Variants in MTARC2 observed in about 807,000 individuals in gnomAD.
The protein encoded by MTARC2 is mitochondrial amidoxime reducing component 2.
Under a neutral mutation model 35.6 loss-of-function variants are expected in MTARC2, and 27 were observed. The observed-to-expected ratio is 0.76, with a 90% CI of 0.56 to 1.04. MTARC2 has a LOEUF of 1.04. Ranked by LOEUF, MTARC2 falls within the 50% of genes least tolerant of loss-of-function variation. MTARC2 has a pLI of 0.00. For missense variants in MTARC2, 412 were observed against 432.5 expected (o/e 0.95, Z 0.42); for synonymous variants, 158 against 167.1 (o/e 0.95, Z 0.42).
intron 2 of MTARC2, among the ~76,000 whole-genome samples, chr1:220,760,224 A>G (rs186589830): frequency 1.3e-5 from 2 of 152,330 alleles, no homozygotes; most frequent in South Asian, 2.1e-4. Flanking sequence ...GACCCAAACA[A>G]TGAAAAATGC....
At chr1:220,771,543 G>A (rs1572311105) in intron 4 of MTARC2, among the ~76,000 whole-genome samples, 1 of 152,260 alleles carries the variant, frequency 6.6e-6, no homozygotes, top group East Asian at 1.9e-4. Context: ...ATGGGGTCAT[G>A]AGAAAGCCCA....
intron 4 of MTARC2, among the ~76,000 whole-genome samples, chr1:220,765,668 G>A (rs2102555660): frequency 6.6e-6 from 1 of 152,276 alleles, no homozygotes. Flanking sequence ...GAACTCCCCA[G>A]CTCAGGTGAT....
chr1:220,758,174 G>A (rs1671334516), intron 2 of MTARC2, among the ~76,000 whole-genome samples: 3 of 151,764 alleles, frequency 2.0e-5, no homozygotes, highest in African/African-American at 2.4e-5. Context: ...TAGCAGAGAC[G>A]GGATTTCACC....
intron 2 of MTARC2, among the ~76,000 whole-genome samples, chr1:220,761,266 T>C (rs762524020): frequency 1.3e-5 from 2 of 152,224 alleles, no homozygotes; most frequent in Non-Finnish European, 2.9e-5. Flanking sequence ...CCCAGGTCTG[T>C]TGGATTCTAA....
At chr1:220,773,255 C>CA (rs1572312671) in intron 4 of MTARC2, among the ~76,000 whole-genome samples, 1 of 151,998 alleles carries the variant, frequency 6.6e-6, no homozygotes, top group Non-Finnish European at 1.5e-5. Context: ...ATGAAACCTC[C>CA]AAAAAACCCC....
intron 1 of MTARC2, among the ~76,000 whole-genome samples, 196 bp from the exon 2 acceptor site, chr1:220,754,751 G>A (rs1336253496): frequency 1.3e-5 from 2 of 152,162 alleles, no homozygotes; most frequent in African/African-American, 2.4e-5. Flanking sequence ...AACTGTTTCC[G>A]CCAAATAAGC....
At chr1:220,782,393 G>T (rs1672097457) in intron 7 of MTARC2, among the ~76,000 whole-genome samples, 1 of 152,098 alleles carries the variant, frequency 6.6e-6, no homozygotes, top group Non-Finnish European at 1.5e-5. Context: ...TATAATTGAA[G>T]TTTGAAAAAA....
chr1:220,751,317 G>A (rs1232057307), intron 1 of MTARC2, among the ~76,000 whole-genome samples: 2 of 152,154 alleles, frequency 1.3e-5, no homozygotes, highest in Non-Finnish European at 2.9e-5. Flanking sequence ...AGTCCACCTG[G>A]CAGAATGCTG....
chr1:220,765,611 C>T (rs1321081491), intron 4 of MTARC2, among the ~76,000 whole-genome samples: 1 of 152,164 alleles, frequency 6.6e-6, no homozygotes, highest in Non-Finnish European at 1.5e-5. Flanking sequence ...CTCACTGTGT[C>T]ACCCAGACTG....
intron 4 of MTARC2, among the ~76,000 whole-genome samples, chr1:220,767,763 T>A (rs979202914): frequency 6.6e-6 from 1 of 152,234 alleles, no homozygotes; most frequent in Admixed American, 6.5e-5. Flanking sequence ...ACTCAGGAAG[T>A]GTTTCTCCAG....
chr1:220,749,432 T>C (rs755795288), intron 1 of MTARC2, among the ~76,000 whole-genome samples: 34,590 of 118,896 alleles, frequency 0.29, 7,980 homozygotes, highest in African/African-American at 0.61. Context: ...TTCTTCTTTT[T>C]TTTTTTTTTT....
chr1:220,755,910 T>G (rs1189882744), intron 2 of MTARC2, among the ~76,000 whole-genome samples: 1 of 152,182 alleles, frequency 6.6e-6, no homozygotes, highest in Admixed American at 6.5e-5. Context: ...AAATCTTCAT[T>G]CAGAATTGTC....
chr1:220,763,226 G>T (rs11118597), intron 4 of MTARC2, among the ~76,000 whole-genome samples, 176 bp downstream of exon 4: 2 of 151,922 alleles, frequency 1.3e-5, no homozygotes, highest in Middle Eastern at 3.4e-3. Context: ...CCATCAACAC[G>T]CTGGCCTCGG....
intron 1 of MTARC2, among the ~76,000 whole-genome samples, chr1:220,749,431 T>A (rs1035782992): frequency 1.8e-5 from 2 of 112,226 alleles, no homozygotes; most frequent in Non-Finnish European, 2.0e-5. Flanking sequence ...CTTCTTCTTT[T>A]TTTTTTTTTT....
intron 2 of MTARC2, among the ~76,000 whole-genome samples, chr1:220,758,444 A>T: frequency 7.1e-6 from 1 of 140,404 alleles, no homozygotes. Context: ...TTTGAGATGG[A>T]GTTTCGCTCT....
intron 1 of MTARC2, among the ~76,000 whole-genome samples, chr1:220,751,447 T>C (rs1048744709): frequency 2.9e-4 from 44 of 152,198 alleles, no homozygotes; most frequent in African/African-American, 1.0e-3. Flanking sequence ...AAACCCTTAC[T>C]GAAGCCAGTC....
chr1:220,782,169 G>C (rs1672091999), intron 7 of MTARC2, among the ~76,000 whole-genome samples: 1 of 152,152 alleles, frequency 6.6e-6, no homozygotes, highest in Non-Finnish European at 1.5e-5. Context: ...GATGGAAGAG[G>C]CTCAGCAGAA....
At chr1:220,758,479 G>A (rs1671343192) in intron 2 of MTARC2, among the ~76,000 whole-genome samples, 1 of 151,020 alleles carries the variant, frequency 6.6e-6, no homozygotes, top group South Asian at 2.1e-4. Flanking sequence ...GAGTGCGATG[G>A]CACGATCTCA....
At chr1:220,768,085 T>C (rs1277158103) in intron 4 of MTARC2, among the ~76,000 whole-genome samples, 1 of 152,216 alleles carries the variant, frequency 6.6e-6, no homozygotes, top group African/African-American at 2.4e-5. Flanking sequence ...GACTCACTGC[T>C]ATTGAACACT....
Sources: gnomAD v4.1 joint callset for allele counts (sites outside exome capture counted in the v4.1 genomes callset) on GRCh38, gnomAD v4.1.1 for gene constraint, MANE v1.5 for transcripts, NCBI Gene and HGNC (gene_info 2026-07-23, HGNC 2026-07-21) for gene names.